Variants in CFAP119 observed in about 807,000 individuals in gnomAD.
The protein encoded by CFAP119 is cilia and flagella associated protein 119.
chr16:30,758,372 G>C, the CFAP119 span: 1 of 154,406 alleles, frequency 6.5e-6, no homozygotes, highest in African/African-American at 2.4e-5. Context: ...CACCTGGCCT[G>C]TTCTTTGTTT....
At chr16:30,759,920 G>A in the CFAP119 span, 1 of 1,440,436 alleles carries the variant, frequency 6.9e-7, no homozygotes, top group Non-Finnish European at 9.1e-7. Flanking sequence ...CACTGAACAA[G>A]ACAGACAAGG....
the CFAP119 span, chr16:30,759,261 CAG>C: frequency 6.2e-7 from 1 of 1,613,880 alleles, no homozygotes; most frequent in African/African-American, 1.3e-5. Context: ...GGAAGCAAGG[CAG>C]AGGGAGGCTG....
At chr16:30,757,681 G>A in the CFAP119 span, 2 of 1,589,388 alleles carry the variant, frequency 1.3e-6, no homozygotes, top group Non-Finnish European at 8.6e-7. Flanking sequence ...GAAGGGGCAG[G>A]GTGAGGAGAG....
At chr16:30,760,617 A>G in the CFAP119 span, 3 of 1,557,672 alleles carry the variant, frequency 1.9e-6, no homozygotes, top group East Asian at 2.4e-5. Context: ...CCCTCATCTC[A>G]GCATTGGTGG....
chr16:30,761,298 C>G, the CFAP119 span: 5 of 1,598,446 alleles, frequency 3.1e-6, no homozygotes, highest in East Asian at 8.9e-5. Flanking sequence ...TCCAGCAGGC[C>G]GGAGAAGCCG....
the CFAP119 span, chr16:30,757,965 A>G: frequency 2.4e-6 from 1 of 414,018 alleles, no homozygotes; most frequent in Non-Finnish European, 3.9e-6. Context: ...AGCACATAGG[A>G]TTGAGGGAGG....
the CFAP119 span, chr16:30,761,423 C>T: frequency 7.0e-7 from 1 of 1,435,782 alleles, no homozygotes; most frequent in East Asian, 2.5e-5. Context: ...CACACCCCTG[C>T]CTCTCCTCGC....
At chr16:30,760,678 TAAAAGAAA>T in the CFAP119 span, 1 of 1,522,680 alleles carries the variant, frequency 6.6e-7, no homozygotes, top group African/African-American at 1.8e-5. Flanking sequence ...CCTGTTATAG[TAAAAGAAA>T]AAGAGTATTG....
the CFAP119 span, chr16:30,761,240 A>C: frequency 6.2e-7 from 1 of 1,613,710 alleles, no homozygotes; most frequent in Admixed American, 1.7e-5. Context: ...CTGCGGAAAG[A>C]AAGCGAATTG....
At chr16:30,759,128 G>A in the CFAP119 span, 28 of 1,614,090 alleles carry the variant, frequency 1.7e-5, no homozygotes, top group Non-Finnish European at 2.4e-5. Context: ...GGAAGAGACT[G>A]TGGCCCCAGG....
chr16:30,757,512 C>G, the CFAP119 span: 3 of 1,614,090 alleles, frequency 1.9e-6, no homozygotes, highest in Non-Finnish European at 2.5e-6. Context: ...CCGGAGGTAG[C>G]TGGAAGGGCC....
At chr16:30,761,360 G>A in the CFAP119 span, 1 of 1,432,610 alleles carries the variant, frequency 7.0e-7, no homozygotes, top group Non-Finnish European at 9.8e-7. Flanking sequence ...GGGCGAGGGA[G>A]GGCTTCAGCA....
At chr16:30,759,594 A>T in the CFAP119 span, 26 of 1,613,976 alleles carry the variant, frequency 1.6e-5, no homozygotes, top group Non-Finnish European at 2.1e-5. Flanking sequence ...TGTGAGAGAG[A>T]CTGGGTGAGA....
chr16:30,759,350 T>C, the CFAP119 span: 4 of 1,613,736 alleles, frequency 2.5e-6, no homozygotes, highest in African/African-American at 2.7e-5. Flanking sequence ...ACCTGGGGTG[T>C]GAAGACGTAT....
chr16:30,758,995 C>T, the CFAP119 span: 3 of 1,614,098 alleles, frequency 1.9e-6, no homozygotes, highest in Non-Finnish European at 2.5e-6. Flanking sequence ...GGCAGCCTGC[C>T]CTCTCCAGAT....
At chr16:30,757,452 C>T in the CFAP119 span, 10 of 1,605,746 alleles carry the variant, frequency 6.2e-6, no homozygotes, top group Non-Finnish European at 8.5e-6. Flanking sequence ...TGGCCCAGAC[C>T]TTTATTGGGG....
the CFAP119 span, chr16:30,759,283 C>T: frequency 6.2e-7 from 1 of 1,613,682 alleles, no homozygotes; most frequent in Non-Finnish European, 8.5e-7. Flanking sequence ...GAAAGGAGTG[C>T]ACCTGTGCTG....
the CFAP119 span, chr16:30,760,030 G>A: frequency 2.0e-6 from 3 of 1,496,370 alleles, no homozygotes; most frequent in Non-Finnish European, 2.7e-6. Context: ...ACATTCTAAA[G>A]CAGGTGTTAT....
At chr16:30,761,465 G>A in the CFAP119 span, 1 of 1,518,182 alleles carries the variant, frequency 6.6e-7, no homozygotes, top group African/African-American at 1.4e-5. Flanking sequence ...CCGAACGTTA[G>A]TAAGCATAAT....
Sources: gnomAD v4.1 joint callset for allele counts on GRCh38, gnomAD v4.1.1 for gene constraint, MANE v1.5 for transcripts, NCBI Gene and HGNC (gene_info 2026-07-23, HGNC 2026-07-21) for gene names.